The following CYTH3 variants were observed in gnomAD, a reference collection of about 807,000 sequenced individuals.
CYTH3 encodes the protein cytohesin-3.
CYTH3 carries 23 observed loss-of-function variants against 55.1 expected under a neutral mutation model. The observed-to-expected ratio is 0.42, with a 90% confidence interval of 0.30 to 0.59. The LOEUF is 0.59. CYTH3 is among the 20% of genes least tolerant of loss of function. CYTH3 has a pLI of 0.20. For synonymous variants in CYTH3, 249 were observed against 194.9 expected, an observed-to-expected ratio of 1.28 and a Z score of -2.31; for missense variants, 413 against 524.8, an observed-to-expected ratio of 0.79 and a Z score of 2.08.
chr7:6,174,119 CTTTT>C (rs143187005), intron 5 of CYTH3, among the ~76,000 whole-genome samples: 13 of 147,542 alleles, frequency 8.8e-5, no homozygotes, highest in African/African-American at 3.2e-4. Flanking sequence ...ATTTTATATC[CTTTT>C]TTTTTTTGAG....
At chr7:6,217,818 A>C (rs1441805832) in intron 1 of CYTH3, among the ~76,000 whole-genome samples, 7 of 152,142 alleles carry the variant, frequency 4.6e-5, no homozygotes, top group African/African-American at 1.7e-4. Context: ...TAATCTCTAG[A>C]ACTTGTGAAT....
chr7:6,170,575 G>C lies in CYTH3; in HGVS notation c.783C>G (p.Thr261=), dbSNP rs772406814. The C allele has an allele frequency of 1.2e-6, 2 of 1,614,016 alleles. No individual in the cohort carries two copies. Among genetic ancestry groups the C allele is most frequent in the South Asian group, 1.1e-5 (1 of 91,080 alleles). Residue 261 remains threonine (T), a synonymous_variant, in exon 9 of 13, where the codon ACC becomes ACG. Coordinates refer to ENST00000350796, the MANE Select transcript of CYTH3 (RefSeq NM_004227.4). This position sits in a 1 kb window ranked among gnomAD's most constrained non-coding sequence, Gnocchi z 7.8. ...AGCCCTCGCGGTCGGGGTTGAAGAA[G>C]GTGTGGGTCAGGTCGTTCCCGTCGT... ...PEDDGNDLTH[T]FFNPDREGWL...
chr7:6,173,373 A>G (rs1783252767), intron 6 of CYTH3, among the ~76,000 whole-genome samples: 1 of 152,334 alleles, frequency 6.6e-6, no homozygotes, highest in South Asian at 2.1e-4. Flanking sequence ...GCACTCGACT[A>G]CTGCCATACA....
intron 1 of CYTH3, among the ~76,000 whole-genome samples, chr7:6,219,316 G>C (rs1327832227): frequency 6.6e-6 from 1 of 152,188 alleles, no homozygotes; most frequent in African/African-American, 2.4e-5. Context: ...GTGCAACCTG[G>C]TTTCTTCTTG....
intron 1 of CYTH3, among the ~76,000 whole-genome samples, chr7:6,193,486 G>A (rs1393276198): frequency 6.6e-6 from 1 of 151,940 alleles, no homozygotes; most frequent in African/African-American, 2.4e-5. Flanking sequence ...AGAAAGAACC[G>A]CCACATTTTT....
chr7:6,218,240 T>C (rs961091302), intron 1 of CYTH3, among the ~76,000 whole-genome samples: 5 of 152,010 alleles, frequency 3.3e-5, no homozygotes, highest in Admixed American at 6.6e-5. Context: ...GGGATCTAAA[T>C]GCAATAAAAA....
chr7:6,165,248 G>GCCCCGC lies in CYTH3; in HGVS notation c.1127+19_1127+24dup, dbSNP rs1370122525. 3 of 1,598,046 alleles carry GCCCCGC rather than the reference G, an allele frequency of 1.9e-6. No individual in the cohort carries two copies. In the Admixed American group the frequency reaches 5.2e-5, roughly 27 times the overall value. On this transcript the variant is annotated intron_variant, in intron 12 of 12. Transcript: ENST00000350796. ...CAACCGGCACGAGAAGACGGGCCTG[G>GCCCCGC]CCCCGCCCCCGAGGCCCCACTCACT...
chr7:6,200,123 G>C (rs1473366039), intron 1 of CYTH3, among the ~76,000 whole-genome samples: 1 of 152,162 alleles, frequency 6.6e-6, no homozygotes, highest in African/African-American at 2.4e-5. Context: ...ATGGGAGATT[G>C]TCACAGATAC....
At chr7:6,252,890 C>T (rs1780010317) in intron 1 of CYTH3, among the ~76,000 whole-genome samples, 1 of 152,110 alleles carries the variant, frequency 6.6e-6, no homozygotes, top group African/African-American at 2.4e-5. Context: ...CTATGTTAAG[C>T]CAGATAACTA....
chr7:6,259,812 TA>T (rs57190751), intron 1 of CYTH3, among the ~76,000 whole-genome samples: 832 of 29,248 alleles, frequency 0.028, 107 homozygotes, highest in African/African-American at 0.15. Context: ...TATATATATA[TA>T]ATATATATAT....
At chr7:6,184,169 T>C (rs1342072633) in intron 4 of CYTH3, among the ~76,000 whole-genome samples, 1 of 143,908 alleles carries the variant, frequency 6.9e-6, no homozygotes, top group Admixed American at 7.2e-5. Flanking sequence ...CACGCCATTC[T>C]CCTGCCTCAG....
In CYTH3 at chr7:6,272,567, G is replaced by C. The variant is rs1166823198; in HGVS notation, c.-60C>G. ...CCGGCAGCAGAGGGGCCGCGGGCTG[G>C]GGACGCCGCCGGAGGGAGCGCGCAG... On this transcript the variant is annotated 5_prime_UTR_variant, in exon 1 of 13. Coordinates refer to ENST00000350796, the MANE Select transcript of CYTH3 (RefSeq NM_004227.4). 20 of 1,208,840 alleles carry C rather than the reference G, an allele frequency of 1.7e-5. No homozygotes were observed. In the East Asian group the frequency reaches 7.8e-4, roughly 47 times the overall value. The allele number at this position is 1,208,840 out of a possible 1,614,324, so 74.9% of individuals were successfully genotyped here.
At chr7:6,257,262 A>T (rs1485389573) in intron 1 of CYTH3, among the ~76,000 whole-genome samples, 2 of 152,224 alleles carry the variant, frequency 1.3e-5, no homozygotes, top group African/African-American at 4.8e-5. Context: ...CCAAACATTC[A>T]AAAGACACTA....
At chr7:6,179,893 CACCCACACACA>C (rs1783460802) in intron 4 of CYTH3, among the ~76,000 whole-genome samples, 1 of 142,524 alleles carries the variant, frequency 7.0e-6, no homozygotes, top group African/African-American at 2.7e-5. Flanking sequence ...ACACCACACA[CACCCACACACA>C]ACCACACACA....
At chr7:6,235,591 T>C (rs1779500989) in intron 1 of CYTH3, among the ~76,000 whole-genome samples, 1 of 151,920 alleles carries the variant, frequency 6.6e-6, no homozygotes, top group South Asian at 2.1e-4. Context: ...CCTGCCTAAC[T>C]CCGTACTTCT....
chr7:6,252,238 CTA>C (rs1291928894), intron 1 of CYTH3, among the ~76,000 whole-genome samples: 2 of 152,188 alleles, frequency 1.3e-5, no homozygotes, highest in African/African-American at 4.8e-5. Flanking sequence ...CTTGCTATCT[CTA>C]TACCAGCATG....
chr7:6,228,731 C>T lies in CYTH3; in HGVS notation c.35-38200G>A, dbSNP rs532045923. Among the ~76,000 whole-genome samples, 3 of 152,276 alleles carry T rather than the reference C, an allele frequency of 2.0e-5. No homozygotes were observed. In the South Asian group the frequency reaches 6.2e-4, roughly 32 times the overall value. On this transcript the variant is annotated intron_variant, in intron 1 of 12. Transcript: ENST00000350796. ...CAACCCCTCCCACAGACCAGATCCA[C>T]AAAAGGATTCCCTCACACTCAAGAA...
At chr7:6,199,957 C>G (rs983280509) in intron 1 of CYTH3, among the ~76,000 whole-genome samples, 1 of 152,142 alleles carries the variant, frequency 6.6e-6, no homozygotes, top group Non-Finnish European at 1.5e-5. Flanking sequence ...AAATCCTAAA[C>G]CAACCACTAA....
intron 5 of CYTH3, among the ~76,000 whole-genome samples, chr7:6,176,894 G>A (rs1050641697): frequency 3.9e-5 from 6 of 152,144 alleles, no homozygotes; most frequent in Non-Finnish European, 2.9e-5. Flanking sequence ...TTCCATGCCT[G>A]TCTTAGCTTT....
Sources: allele counts gnomAD v4.1 joint callset (sites outside exome capture counted in the v4.1 genomes callset), GRCh38; gene constraint gnomAD v4.1.1; non-coding constraint Gnocchi (gnomAD v3.1); transcripts MANE v1.5; gene names NCBI Gene and HGNC (gene_info 2026-07-23, HGNC 2026-07-21).